NSUN7: variants seen among roughly 807,000 people sequenced by gnomAD.
NSUN7 encodes the protein protein NSUN7.
A neutral mutation model predicts 58.5 loss-of-function variants in NSUN7; 39 were observed. That is an observed-to-expected ratio of 0.67 (90% CI 0.52 to 0.87). The LOEUF (loss-of-function observed/expected upper bound fraction) is 0.87. NSUN7 is among the 40% of genes least tolerant of loss of function. The probability of loss-of-function intolerance (pLI) is 0.00; values close to 1 mark genes in which losing one functional copy is unlikely to be tolerated. For missense variants in NSUN7, 765 were observed against 844.1 expected (o/e 0.91, Z 1.16); for synonymous variants, 278 against 303.7 (o/e 0.92, Z 0.88).
intron 2 of NSUN7, among the ~76,000 whole-genome samples, chr4:40,758,081 G>T (rs745510934): frequency 4.6e-5 from 7 of 152,012 alleles, no homozygotes; most frequent in Non-Finnish European, 8.8e-5. Context: ...ACCACGCCTG[G>T]ATAATTTTTT....
chr4:40,773,347 A>G (rs1255283095), intron 4 of NSUN7: 2 of 152,342 alleles, frequency 1.3e-5, no homozygotes, highest in Non-Finnish European at 2.9e-5. Flanking sequence ...TTTAACTTCA[A>G]GTTTGTCTGA....
chr4:40,793,232 A>C (rs1338136761), intron 8 of NSUN7, among the ~76,000 whole-genome samples: 2 of 152,154 alleles, frequency 1.3e-5, no homozygotes, highest in East Asian at 3.9e-4. Flanking sequence ...GGTTGAGGCC[A>C]GGAGTTCGAG....
At chr4:40,799,088 T>TTTTG (rs1560563934) in intron 10 of NSUN7, among the ~76,000 whole-genome samples, 184 bp downstream of exon 10, 9 of 140,772 alleles carry the variant, frequency 6.4e-5, no homozygotes, top group South Asian at 2.3e-4. Flanking sequence ...TTTTTTTTTT[T>TTTTG]TTTTTTTTTT....
chr4:40,808,802 C>G lies in NSUN7; in HGVS notation c.2020C>G (p.His674Asp). Residue 674 changes from histidine to aspartate, a missense_variant, in exon 12 of 12, where the codon CAT becomes GAT. By Grantham distance (81) the His-to-Asp change is moderately conservative. Coordinates refer to ENST00000381782, the MANE Select transcript of NSUN7 (RefSeq NM_024677.6). ...GATCAGATCTCGGATGCCAACTCAA[C>G]ATTTGTACTGTCGTTGGGTTGCACC... ...QGIRSRMPTQ[H>D]LYCRWVAPKA... 6 of 1,548,936 alleles carry G rather than the reference C, an allele frequency of 3.9e-6. No individual in the cohort carries two copies. The highest frequency in any genetic ancestry group is 5.2e-6 in the Non-Finnish European group (6 of 1,146,426).
rs145033684 is a variant in NSUN7 at position 40,774,899 on chromosome 4, A to C, written c.774A>C (p.Lys258Asn). 3.6e-4 allele frequency: 462 copies of C among 1,286,060 alleles called. No homozygotes were observed. The highest frequency in any genetic ancestry group is 4.7e-4 in the Non-Finnish European group (416 of 884,372). The allele number at this position is 1,286,060 out of a possible 1,614,324, so 79.7% of individuals were successfully genotyped here. The change falls in exon 6 of 12, where the codon AAA (lysine) becomes AAC (asparagine). Residue 258 changes from lysine (K) to asparagine (N), a missense_variant. By Grantham distance (94) the Lys-to-Asn change is moderately conservative. Transcript: ENST00000381782. ...TCTTAATTTTTCCATCTCATCTTAA[A>C]AATGATCTTATAAATATAGATCTTT... The part of the protein sequence containing the change: ...YDVLIFPSHL[K>N]NDLINIDLFK...
rs544005239 is a variant in NSUN7, at chr4:40,786,978, A to C, written c.1037-3624A>C. 2.6e-5 allele frequency among the ~76,000 whole-genome samples: 4 copies of C among 152,186 alleles called. No individual in the cohort carries two copies. In the South Asian group the frequency reaches 8.3e-4, roughly 32 times the overall value. ...GAAGCCAAGCAAGGATAGTAAATTG[A>C]CCAGAACACAGTTGTGGGAATTTGG... is the stretch of plus-strand genomic sequence containing the variant. On this transcript the variant is annotated intron_variant, in intron 7 of 11. Transcript: ENST00000381782.
intron 10 of NSUN7, among the ~76,000 whole-genome samples, chr4:40,806,841 G>A (rs1261016268): frequency 6.6e-6 from 1 of 152,158 alleles, no homozygotes; most frequent in Non-Finnish European, 1.5e-5. Flanking sequence ...TAAAGATGGA[G>A]AATCTGGGAT....
chr4:40,780,284 A>T (rs112500798), intron 7 of NSUN7, among the ~76,000 whole-genome samples: 43,834 of 151,802 alleles, frequency 0.29, 6,714 homozygotes, highest in Non-Finnish European at 0.34. Flanking sequence ...CGTCTCATAA[A>T]TCAATCAATC....
In NSUN7 at chr4:40,793,181, C is replaced by G. The variant is rs565971853; in HGVS notation, c.1181-1194C>G. Among the ~76,000 whole-genome samples, 17 of 152,262 alleles carry G rather than the reference C, an allele frequency of 1.1e-4. No individual in the cohort carries two copies. The South Asian group carries it at 3.1e-3, about 28-fold the overall frequency. ...TGTAGGCCAGGCACAGTGGCTCACA[C>G]CTGTAATCCCACCACTTTGGGAGGC... On this transcript the variant is annotated intron_variant, in intron 8 of 11. Coordinates refer to ENST00000381782, the MANE Select transcript of NSUN7 (RefSeq NM_024677.6).
chr4:40,777,541 C>T (rs1318708059), intron 7 of NSUN7, among the ~76,000 whole-genome samples: 2 of 152,164 alleles, frequency 1.3e-5, no homozygotes, highest in East Asian at 3.8e-4. Flanking sequence ...GTCTCGAACT[C>T]CTGACCTCAG....
Position 40,810,594 on chromosome 4 carries a change from A to G in NSUN7, c.*1655A>G, listed in dbSNP as rs1009686194. The G allele has an allele frequency of 2.6e-5, 4 of 151,618 alleles. No individual in the cohort carries two copies. The highest frequency in any genetic ancestry group is 9.7e-5 in the African/African-American group (4 of 41,284). 9.4% of individuals were successfully genotyped at this position (151,618 alleles called of 1,614,324 possible). A position where few individuals can be genotyped will look rare whatever the true frequency, so the allele number is the denominator to read the frequency against. On this transcript the variant is annotated 3_prime_UTR_variant, in exon 12 of 12. Coordinates refer to ENST00000381782, the MANE Select transcript of NSUN7 (RefSeq NM_024677.6). ...CCTTGCCTCAAAAAAAAAAAAAAAAAAAAAAAAGTGTCAATGAAGAAAGGA... is the reference window on the plus strand; with the variant it reads ...CCTTGCCTCAAAAAAAAAAAAAAAAGAAAAAAAGTGTCAATGAAGAAAGGA...
At position 40,786,638 on chromosome 4, in the gene NSUN7, A is replaced by G. The variant is rs886524388; in HGVS notation, c.1037-3964A>G. 78 of 1,605,030 alleles carry G rather than the reference A, an allele frequency of 4.9e-5. No individual in the cohort carries two copies. In the Middle Eastern group the frequency reaches 6.6e-4, roughly 14 times the overall value. The stretch of plus-strand genomic sequence containing the variant: ...TGTGCAATCATAGGAGATGGCCTAA[A>G]GGAAGGACTTGAGAAACTACATGAT... On this transcript the variant is annotated intron_variant, in intron 7 of 11. Transcript: ENST00000381782.
rs1006244318 is a variant in NSUN7, at chr4:40,809,401, AT to A, written c.*468del. ...ACTTTCTCAGTCACGATCAAGGGTG[AT>A]TTTTTCTTAAATATCAAGCTGTTCT... is the stretch of plus-strand genomic sequence containing the variant. On this transcript the variant is annotated 3_prime_UTR_variant, in exon 12 of 12. Coordinates refer to ENST00000381782, the MANE Select transcript of NSUN7 (RefSeq NM_024677.6). The A allele has an allele frequency of 6.5e-6, 1 of 152,978 alleles. No individual in the cohort carries two copies. The highest frequency in any genetic ancestry group is 1.5e-5 in the Non-Finnish European group (1 of 68,660). 9.5% of individuals were successfully genotyped at this position (152,978 alleles called of 1,614,324 possible). A position where few individuals can be genotyped will look rare whatever the true frequency, so the allele number is the denominator to read the frequency against.
intron 10 of NSUN7, among the ~76,000 whole-genome samples, chr4:40,802,347 T>G (rs1177937683): frequency 3.3e-5 from 5 of 150,604 alleles, no homozygotes; most frequent in African/African-American, 1.2e-4. Flanking sequence ...TATTTTTTTT[T>G]GTTACATAAA....
intron 7 of NSUN7, chr4:40,786,187 C>T: frequency 6.2e-7 from 1 of 1,613,648 alleles, no homozygotes; most frequent in East Asian, 2.2e-5. Flanking sequence ...CATTGTTATT[C>T]TGGGTTTGGA....
At chr4:40,761,683 A>G (rs1292622936) in intron 4 of NSUN7, among the ~76,000 whole-genome samples, 3 of 152,236 alleles carry the variant, frequency 2.0e-5, no homozygotes, top group African/African-American at 4.8e-5. Context: ...CCAACAGTAG[A>G]CAAGAATCAA....
chr4:40,765,790 C>G (rs544778440), intron 4 of NSUN7, among the ~76,000 whole-genome samples: 191 of 152,192 alleles, frequency 1.3e-3, no homozygotes, highest in African/African-American at 4.0e-3. Context: ...TTGAAGAGGT[C>G]CTTCACATCC....
Position 40,809,203 on chromosome 4 carries a change from T to TATC in NSUN7, c.*265_*267dup, listed in dbSNP as rs1441425691. 3.0e-6 allele frequency: 1 copy of TATC among 331,348 alleles called. No individual in the cohort carries two copies. The highest frequency in any genetic ancestry group is 2.1e-5 in the African/African-American group (1 of 46,984). 20.5% of individuals were successfully genotyped at this position (331,348 alleles called of 1,614,324 possible). On this transcript the variant is annotated 3_prime_UTR_variant, in exon 12 of 12. Transcript: ENST00000381782. ...AGACTCAGTATCAGCGGTCAGAACT[T>TATC]ATCTCACTCCTGTGAACTTTCAGGC...
chr4:40,795,806 CAA>C (rs961804839), intron 9 of NSUN7, among the ~76,000 whole-genome samples: 9 of 152,154 alleles, frequency 5.9e-5, no homozygotes, highest in African/African-American at 2.2e-4. Flanking sequence ...AGAGTAAAAA[CAA>C]ATACAAATTA....
Sources: allele counts gnomAD v4.1 joint callset (sites outside exome capture counted in the v4.1 genomes callset), GRCh38; gene constraint gnomAD v4.1.1; transcripts MANE v1.5; gene names NCBI Gene and HGNC (gene_info 2026-07-23, HGNC 2026-07-21).